Variants in DYNAP observed in about 807,000 individuals in gnomAD.
DYNAP encodes the protein dynactin associated protein.
DYNAP carries 7 observed loss-of-function variants against 8.5 expected under a neutral mutation model. That is an observed-to-expected ratio of 0.82 (90% CI 0.47 to 1.54). The LOEUF (loss-of-function observed/expected upper bound fraction) is 1.54, where lower values mean the gene tolerates loss of function less well. DYNAP is among the 40% of genes most tolerant of loss of function. The pLI, the probability that DYNAP is intolerant of heterozygous loss-of-function variation, is 0.01. For missense variants in DYNAP, 256 were observed against 224.3 expected, an observed-to-expected ratio of 1.14 and a Z score of -0.90; for synonymous variants, 77 against 77.9, an observed-to-expected ratio of 0.99 and a Z score of 0.06.
chr18:54,597,486 G>A (rs1237132166), intron 2 of DYNAP, among the ~76,000 whole-genome samples: 1 of 152,172 alleles, frequency 6.6e-6, no homozygotes, highest in Non-Finnish European at 1.5e-5. Flanking sequence ...GTGAGGGCAG[G>A]AGGGATGTGG....
chr18:54,597,758 A>G (rs546918735), intron 2 of DYNAP, 55 bp from the exon 3 acceptor site: 3 of 1,523,374 alleles, frequency 2.0e-6, no homozygotes, highest in Non-Finnish European at 2.7e-6. Flanking sequence ...AAAAGAGATG[A>G]TAAATTACAA....
chr18:54,586,082 C>A (rs1396448757), upstream of DYNAP, among the ~76,000 whole-genome samples: 3 of 152,186 alleles, frequency 2.0e-5, no homozygotes, highest in Non-Finnish European at 4.4e-5. Flanking sequence ...ATCCCAGTTT[C>A]TCTATTTGCC....
At chr18:54,596,153 G>A in intron 2 of DYNAP, among the ~76,000 whole-genome samples, 1 of 151,704 alleles carries the variant, frequency 6.6e-6, no homozygotes, top group Non-Finnish European at 1.5e-5. Flanking sequence ...TCTCACTGCA[G>A]CTTCAACCTT....
chr18:54,583,215 G>T (rs1910775614), upstream of DYNAP, among the ~76,000 whole-genome samples: 1 of 152,132 alleles, frequency 6.6e-6, no homozygotes, highest in African/African-American at 2.4e-5. Flanking sequence ...TGACCTGCTG[G>T]GTGGTCAGAG....
upstream of DYNAP, among the ~76,000 whole-genome samples, chr18:54,585,353 T>C (rs1471694180): frequency 6.6e-6 from 1 of 152,178 alleles, no homozygotes; most frequent in African/African-American, 2.4e-5. Flanking sequence ...TATTTTAAAA[T>C]TCACATCCTG....
chr18:54,581,303 A>G, the DYNAP span, among the ~76,000 whole-genome samples: 6 of 152,252 alleles, frequency 3.9e-5, no homozygotes, highest in African/African-American at 1.4e-4. Flanking sequence ...TCTATCTCCC[A>G]AAATACTGAA....
Position 54,599,140 on chromosome 18 carries a change from GC to G in DYNAP, c.*997del, listed in dbSNP as rs1251694367. 6.6e-6 allele frequency: 1 copy of G among 152,022 alleles called. No individual in the cohort carries two copies. Among genetic ancestry groups the G allele is most frequent in the Non-Finnish European group, 1.5e-5 (1 of 67,994 alleles). 9.4% of individuals were successfully genotyped at this position (152,022 alleles called of 1,614,324 possible). A position where few individuals can be genotyped will look rare whatever the true frequency, so the allele number is the denominator to read the frequency against. Reference sequence around the variant, plus strand: ...ATATATAAAACCAAACTGTACCTTAGCCACTTTGGACACATGTTCTCAGGAC... The same window carrying G: ...ATATATAAAACCAAACTGTACCTTAGCACTTTGGACACATGTTCTCAGGAC... On this transcript the variant is annotated 3_prime_UTR_variant, in exon 3 of 3. Coordinates refer to ENST00000648945, the MANE Select transcript of DYNAP (RefSeq NM_173629.3).
chr18:54,588,495 G>T (rs1353628741), upstream of DYNAP, among the ~76,000 whole-genome samples: 1 of 152,172 alleles, frequency 6.6e-6, no homozygotes, highest in South Asian at 2.1e-4. Flanking sequence ...GTGAGCCACC[G>T]CGCCCGGCCT....
the DYNAP span, among the ~76,000 whole-genome samples, chr18:54,577,602 C>CA: frequency 0.13 from 8,701 of 66,148 alleles, 610 homozygotes; most frequent in African/African-American, 0.26. Flanking sequence ...AATCTTGTTT[C>CA]AAAAAAAAAA....
the DYNAP span, among the ~76,000 whole-genome samples, chr18:54,577,101 AAAG>A: frequency 2.0e-5 from 3 of 152,196 alleles, no homozygotes; most frequent in African/African-American, 7.2e-5. Flanking sequence ...AAAGAGAAAT[AAAG>A]AAGGTTTCTC....
At position 54,594,944 on chromosome 18, in the gene DYNAP, C is replaced by G. The variant is rs565624002; in HGVS notation, c.63C>G (p.Ile21Met). The G allele has an allele frequency of 6.2e-7, 1 of 1,609,686 alleles. No homozygotes were observed. The highest frequency in any genetic ancestry group is 1.3e-5 in the African/African-American group (1 of 74,796). ...NVEHSENQPP[I>M]THPNDQEAHS... ...CTTCCACTCTGCCTTTGTAGCCAAT[C>G]ACACATCCAAATGACCAAGAGGCTC... is the stretch of plus-strand genomic sequence containing the variant. The change falls in exon 2 of 3, where the codon ATC (isoleucine) becomes ATG (methionine). Residue 21 changes from isoleucine (I) to methionine (M), a missense_variant. By Grantham distance (10) the Ile-to-Met change is conservative (BLOSUM62 1). Coordinates refer to ENST00000648945, the MANE Select transcript of DYNAP (RefSeq NM_173629.3).
At chr18:54,586,299 C>T (rs953262547), upstream of DYNAP, among the ~76,000 whole-genome samples, 1 of 152,100 alleles carries the variant, frequency 6.6e-6, no homozygotes, top group Non-Finnish European at 1.5e-5. Flanking sequence ...GCCCACACAG[C>T]TGATTGCCGA....
intron 2 of DYNAP, among the ~76,000 whole-genome samples, chr18:54,597,304 T>TA (rs1283150024): frequency 7.9e-5 from 12 of 152,044 alleles, no homozygotes; most frequent in Non-Finnish European, 8.8e-5. Flanking sequence ...CTCTGCATGA[T>TA]ACTGTAATGG....
chr18:54,576,238 T>G, the DYNAP span, among the ~76,000 whole-genome samples: 4 of 152,208 alleles, frequency 2.6e-5, no homozygotes, highest in Admixed American at 2.6e-4. Context: ...ACATATACAC[T>G]CAGTCTCTTG....
At chr18:54,584,773 A>G (rs901431929), upstream of DYNAP, among the ~76,000 whole-genome samples, 1 of 152,172 alleles carries the variant, frequency 6.6e-6, no homozygotes, top group Non-Finnish European at 1.5e-5. Flanking sequence ...GGCAATAGGA[A>G]TGTGGCTATT....
intron 1 of DYNAP, 74 bp downstream of exon 1, chr18:54,591,413 T>C: frequency 2.0e-6 from 3 of 1,512,746 alleles, no homozygotes; most frequent in Non-Finnish European, 2.7e-6. Context: ...AGCAGTTTAA[T>C]CTCTTTATTA....
upstream of DYNAP, among the ~76,000 whole-genome samples, chr18:54,585,136 A>C (rs1453604766): frequency 2.0e-5 from 3 of 152,086 alleles, no homozygotes; most frequent in Admixed American, 6.6e-5. Flanking sequence ...CCTTATTTCT[A>C]TTTCAACATC....
intron 2 of DYNAP, among the ~76,000 whole-genome samples, chr18:54,597,593 T>A (rs960268457): frequency 6.6e-6 from 1 of 152,034 alleles, no homozygotes; most frequent in Non-Finnish European, 1.5e-5. Flanking sequence ...GAAAATAGAA[T>A]AAGAGAAGAT....
chr18:54,589,402 C>T (rs1272689288), upstream of DYNAP, among the ~76,000 whole-genome samples: 2 of 152,068 alleles, frequency 1.3e-5, no homozygotes, highest in Non-Finnish European at 2.9e-5. Flanking sequence ...GTGTGCTCTG[C>T]TTTTTCTGTT....
Sources: allele counts gnomAD v4.1 joint callset (sites outside exome capture counted in the v4.1 genomes callset), GRCh38; gene constraint gnomAD v4.1.1; transcripts MANE v1.5; gene names NCBI Gene and HGNC (gene_info 2026-07-23, HGNC 2026-07-21).